The following GSAP variants were observed in gnomAD, a reference collection of about 807,000 sequenced individuals.
GSAP encodes the protein gamma-secretase activating protein, also known as gamma-secretase-activating protein.
In GSAP, 118 loss-of-function variants were observed where a neutral mutation model predicts 131.7. The observed-to-expected ratio is 0.90, with a 90% CI of 0.77 to 1.04. GSAP has a LOEUF of 1.04. GSAP is among the 50% of genes least tolerant of loss of function. The pLI is 0.00. For missense variants in GSAP, 1,019 were observed against 1,013.2 expected, an observed-to-expected ratio of 1.01 and a Z score of -0.08; for synonymous variants, 381 against 363.4, an observed-to-expected ratio of 1.05 and a Z score of -0.55.
chr7:77,381,390 T>G (rs747450950), intron 7 of GSAP, 36 bp from the exon 8 acceptor site: 11 of 1,132,984 alleles, frequency 9.7e-6, no homozygotes, highest in South Asian at 5.8e-5. Flanking sequence ...AATTTAACCT[T>G]AAGGAAATAT....
intron 19 of GSAP, among the ~76,000 whole-genome samples, chr7:77,345,085 C>T (rs1217570654): frequency 1.3e-5 from 2 of 152,192 alleles, no homozygotes; most frequent in African/African-American, 4.8e-5. Context: ...GCTGAACCCC[C>T]TTGGGCACTC....
intron 27 of GSAP, among the ~76,000 whole-genome samples, chr7:77,314,103 A>C (rs1399817987): frequency 1.3e-5 from 2 of 152,170 alleles, no homozygotes; most frequent in African/African-American, 4.8e-5. Flanking sequence ...AGAAACCTTA[A>C]ATTGGCCCAA....
At chr7:77,364,488 C>T (rs1794983064) in intron 12 of GSAP, among the ~76,000 whole-genome samples, 1 of 127,310 alleles carries the variant, frequency 7.9e-6, no homozygotes, top group Admixed American at 1.1e-4. Flanking sequence ...CACATGGACA[C>T]AGGAAGGGGA....
At chr7:77,390,644 A>AC (rs963866881) in intron 5 of GSAP, among the ~76,000 whole-genome samples, 22 of 152,176 alleles carry the variant, frequency 1.4e-4, no homozygotes, top group African/African-American at 4.8e-4. Context: ...ATTGGTATAT[A>AC]CCTAAGCTAA....
At chr7:77,372,463 T>G (rs1182794821) in intron 12 of GSAP, among the ~76,000 whole-genome samples, 2 of 152,244 alleles carry the variant, frequency 1.3e-5, no homozygotes, top group Non-Finnish European at 2.9e-5. Context: ...TTAATGTGAT[T>G]AATTTATTTC....
intron 26 of GSAP, chr7:77,315,258 G>A (rs972955304): frequency 6.6e-6 from 1 of 152,194 alleles, no homozygotes; most frequent in Non-Finnish European, 1.5e-5. Context: ...AAAAAGCCAG[G>A]TTTGGCATGA....
chr7:77,345,593 C>T (rs1383329723), intron 19 of GSAP, among the ~76,000 whole-genome samples: 2 of 152,214 alleles, frequency 1.3e-5, no homozygotes, highest in African/African-American at 2.4e-5. Flanking sequence ...TCCACCATTG[C>T]GACTTGTTTC....
At chr7:77,391,777 G>C (rs1554427713) in intron 5 of GSAP, among the ~76,000 whole-genome samples, 1 of 152,314 alleles carries the variant, frequency 6.6e-6, no homozygotes, top group South Asian at 2.1e-4. Flanking sequence ...CGAGGCTATA[G>C]TGAGCCATAA....
At chr7:77,330,567 CTG>C in intron 19 of GSAP, 200 bp from the exon 20 acceptor site, 11 of 1,009,638 alleles carry the variant, frequency 1.1e-5, no homozygotes, top group Non-Finnish European at 1.3e-5. Context: ...ACTTCATTTT[CTG>C]TCTCTTTTTT....
chr7:77,369,615 A>G (rs1364239092), intron 12 of GSAP, among the ~76,000 whole-genome samples: 1 of 152,236 alleles, frequency 6.6e-6, no homozygotes, highest in Non-Finnish European at 1.5e-5. Flanking sequence ...GTAAGTTTGT[A>G]TAAGGGCCTA....
chr7:77,356,482 G>A (rs962891604), intron 14 of GSAP, among the ~76,000 whole-genome samples: 1 of 152,100 alleles, frequency 6.6e-6, no homozygotes, highest in Non-Finnish European at 1.5e-5. Flanking sequence ...TCAGTAGCAG[G>A]AGCATTTTGT....
At chr7:77,346,906 G>T (rs1285488689) in intron 19 of GSAP, among the ~76,000 whole-genome samples, 2 of 151,640 alleles carry the variant, frequency 1.3e-5, no homozygotes, top group African/African-American at 4.9e-5. Flanking sequence ...CCTGCCCTAA[G>T]GCATGACTCT....
chr7:77,341,210 C>G (rs1562976586), intron 19 of GSAP, among the ~76,000 whole-genome samples: 1 of 152,244 alleles, frequency 6.6e-6, no homozygotes, highest in East Asian at 1.9e-4. Context: ...AGTCTCTGCT[C>G]CCAATGTGAC....
At chr7:77,338,843 G>T (rs561722445) in intron 19 of GSAP, among the ~76,000 whole-genome samples, 1 of 152,282 alleles carries the variant, frequency 6.6e-6, no homozygotes, top group African/African-American at 2.4e-5. Flanking sequence ...CATTTGTATA[G>T]TGTTCCACTT....
At chr7:77,383,778 C>T (rs1798128556) in intron 6 of GSAP, among the ~76,000 whole-genome samples, 1 of 152,176 alleles carries the variant, frequency 6.6e-6, no homozygotes, top group Non-Finnish European at 1.5e-5. Context: ...CTTTTCCTCA[C>T]CCAAAACTTG....
chr7:77,403,324 T>C (rs965199243), intron 3 of GSAP, among the ~76,000 whole-genome samples: 5 of 152,150 alleles, frequency 3.3e-5, no homozygotes, highest in African/African-American at 7.2e-5. Flanking sequence ...GTGAATGAAT[T>C]AATGAATAAA....
rs753608565 is a variant in GSAP, at chr7:77,355,282, G to A, written c.1269C>T (p.Asp423=). 4.3e-6 allele frequency: 7 copies of A among 1,614,044 alleles called. No individual in the cohort carries two copies. The highest frequency in any genetic ancestry group is 5.9e-6 in the Non-Finnish European group (7 of 1,179,942). ...AGTGCAACGCAGCCATCTTCTCACA[G>A]TCTAAGCAAGTGTTCTGCAGAAGCT... ...LLQLLQNTCL[D]CEKMAALHCA... Residue 423 remains aspartate (D), a synonymous_variant, in exon 16 of 31, where the codon GAC becomes GAT. Coordinates refer to ENST00000257626, the MANE Select transcript of GSAP (RefSeq NM_017439.4).
intron 19 of GSAP, chr7:77,330,682 C>T: frequency 7.9e-6 from 8 of 1,008,604 alleles, no homozygotes; most frequent in South Asian, 4.1e-5. Flanking sequence ...GCAGGGAAAC[C>T]TGTATTAAAC....
In GSAP at chr7:77,320,808, C is replaced by T. The variant is rs763762777; in HGVS notation, c.2006G>A (p.Gly669Asp). 4.4e-6 allele frequency: 7 copies of T among 1,603,834 alleles called. No individual in the cohort carries two copies. The highest frequency in any genetic ancestry group is 1.7e-5 in the Admixed American group (1 of 59,986). ...AAAAACTGCAAATTCAGCAGCACTG[C>T]CACGACTATTGCTGGGTAAAAAAAA... Reference protein sequence around the residue: ...HSWVLHFNSRGSAAEFAVFHI... With the variant: ...HSWVLHFNSRDSAAEFAVFHI... Residue 669 changes from glycine to aspartate, a missense_variant, in exon 26 of 31, where the codon GGC (glycine) becomes GAC (aspartate). By Grantham distance (94) the Gly-to-Asp change is moderately conservative (BLOSUM62 -1). Coordinates refer to ENST00000257626, the MANE Select transcript of GSAP (RefSeq NM_017439.4).
Sources: allele counts gnomAD v4.1 joint callset (sites outside exome capture counted in the v4.1 genomes callset), GRCh38; gene constraint gnomAD v4.1.1; transcripts MANE v1.5; gene names NCBI Gene and HGNC (gene_info 2026-07-23, HGNC 2026-07-21).